SAMSN1: variants seen among roughly 807,000 people sequenced by gnomAD.
SAMSN1 encodes SAM domain, SH3 domain and nuclear localization signals 1.
A neutral mutation model predicts 42.0 loss-of-function variants in SAMSN1; 31 were observed. The observed-to-expected ratio is 0.74, with a 90% CI of 0.55 to 1.00. The LOEUF (loss-of-function observed/expected upper bound fraction) is 1.00, where lower values mean the gene tolerates loss of function less well. Among genes scored for constraint, SAMSN1 ranks in the 50% least tolerant of loss-of-function variants. The pLI, the probability that SAMSN1 is intolerant of heterozygous loss-of-function variation, is 0.00. For missense variants in SAMSN1, 464 were observed against 439.4 expected, an observed-to-expected ratio of 1.06 and a Z score of -0.50; for synonymous variants, 178 against 151.9, an observed-to-expected ratio of 1.17 and a Z score of -1.26.
intron 1 of SAMSN1, among the ~76,000 whole-genome samples, chr21:14,654,617 C>A (rs1716930937): frequency 6.6e-6 from 1 of 151,986 alleles, no homozygotes; most frequent in Non-Finnish European, 1.5e-5. Flanking sequence ...GCTGCTAGGG[C>A]TCTTGCTTAC....
chr21:14,581,485 A>C (rs1224144843), intron 2 of SAMSN1, among the ~76,000 whole-genome samples: 5 of 146,004 alleles, frequency 3.4e-5, no homozygotes, highest in African/African-American at 1.3e-4. Context: ...CAGCCTCCCG[A>C]GTAGCTGGAA....
At chr21:14,584,088 GA>G (rs1052897414), upstream of SAMSN1, among the ~76,000 whole-genome samples, 5 of 151,308 alleles carry the variant, frequency 3.3e-5, no homozygotes, top group African/African-American at 7.3e-5. Context: ...TGAAACAGCG[GA>G]AAAAAACAAG....
At chr21:14,503,216 C>G (rs1261754178) in intron 5 of SAMSN1, among the ~76,000 whole-genome samples, 1 of 151,952 alleles carries the variant, frequency 6.6e-6, no homozygotes, top group African/African-American at 2.4e-5. Context: ...ATGGGTCTGA[C>G]AAATCAGGTA....
exon 2 of SAMSN1, chr21:14,582,442 G>T (rs1394890864): frequency 3.3e-6 from 5 of 1,518,526 alleles, no homozygotes; most frequent in African/African-American, 2.8e-5. Context: ...TCTTTTCTCG[G>T]GACTTGGTTA....
At chr21:14,576,139 G>T (rs1568815433) in intron 2 of SAMSN1, among the ~76,000 whole-genome samples, 1 of 152,188 alleles carries the variant, frequency 6.6e-6, no homozygotes, top group Non-Finnish European at 1.5e-5. Flanking sequence ...AATGAGTTTA[G>T]ATTTGACCCT....
intron 2 of SAMSN1, among the ~76,000 whole-genome samples, chr21:14,554,670 T>C (rs1202160818): frequency 2.0e-5 from 3 of 151,260 alleles, no homozygotes; most frequent in Non-Finnish European, 4.4e-5. Context: ...GGTGATCAAC[T>C]AGCAGTTAAG....
At chr21:14,559,035 T>C (rs1309142148) in intron 2 of SAMSN1, among the ~76,000 whole-genome samples, 1 of 152,156 alleles carries the variant, frequency 6.6e-6, no homozygotes, top group African/African-American at 2.4e-5. Flanking sequence ...ATTATGTCGG[T>C]CCCATCTCCA....
At chr21:14,585,874 A>G (rs1449888022), upstream of SAMSN1, among the ~76,000 whole-genome samples, 3 of 152,178 alleles carry the variant, frequency 2.0e-5, no homozygotes, top group East Asian at 5.8e-4. Context: ...CCTCTTGTTA[A>G]TAGGTACTAT....
chr21:14,655,979 A>AG (rs1983908651), intron 1 of SAMSN1, among the ~76,000 whole-genome samples: 2 of 151,794 alleles, frequency 1.3e-5, no homozygotes, highest in Admixed American at 1.3e-4. Context: ...ATGGCATCCA[A>AG]AATTCTTGGA....
chr21:14,640,555 A>C (rs1235445468), intron 2 of SAMSN1, among the ~76,000 whole-genome samples: 1 of 152,088 alleles, frequency 6.6e-6, no homozygotes, highest in Non-Finnish European at 1.5e-5. Context: ...CAATACCAGG[A>C]GAAAAAGAAA....
At chr21:14,508,735 T>A (rs1435153238) in intron 5 of SAMSN1, among the ~76,000 whole-genome samples, 1 of 152,206 alleles carries the variant, frequency 6.6e-6, no homozygotes, top group Non-Finnish European at 1.5e-5. Flanking sequence ...GAAGTCATTA[T>A]ACAAAAAAGA....
At chr21:14,646,312 C>A (rs945472905) in intron 1 of SAMSN1, among the ~76,000 whole-genome samples, 1 of 152,042 alleles carries the variant, frequency 6.6e-6, no homozygotes, top group East Asian at 1.9e-4. Context: ...CCTATATGTC[C>A]GGCAACAGAC....
chr21:14,517,899 T>A (rs2822715), intron 2 of SAMSN1, among the ~76,000 whole-genome samples: 1 of 152,158 alleles, frequency 6.6e-6, no homozygotes, highest in East Asian at 1.9e-4. Context: ...ACTTCTCAAG[T>A]CTCCCTCGCT....
At chr21:14,602,071 G>C in exon 6 of SAMSN1, 1 of 691,784 alleles carries the variant, frequency 1.4e-6, no homozygotes, top group East Asian at 2.7e-5. Flanking sequence ...TATGTATGTT[G>C]TTACTTAGAA....
intron 7 of SAMSN1, among the ~76,000 whole-genome samples, chr21:14,591,011 C>T (rs770057958): frequency 2.0e-5 from 3 of 152,026 alleles, no homozygotes; most frequent in Non-Finnish European, 2.9e-5. Flanking sequence ...TATTTTATTG[C>T]TTTCTTGGAA....
At position 14,546,296 on chromosome 21, in the gene SAMSN1, C is replaced by T. The variant is rs185398591; in HGVS notation, c.-35G>A. 50 of 1,612,022 alleles carry T rather than the reference C, an allele frequency of 3.1e-5. No homozygotes were observed. In the African/African-American group the frequency reaches 5.2e-4, roughly 17 times the overall value. ...TGACTACTCCTAGTGAGTGCACTTT[C>T]TGCTGTTACAGAAACAACTGAAAAC... On this transcript the variant is annotated 5_prime_UTR_variant, in exon 1 of 8. Transcript: ENST00000400566.
chr21:14,511,191 G>A (rs1160583266), intron 4 of SAMSN1, among the ~76,000 whole-genome samples: 1 of 152,080 alleles, frequency 6.6e-6, no homozygotes, highest in Non-Finnish European at 1.5e-5. Flanking sequence ...ACCATGCATT[G>A]TGGAAATAAG....
intron 5 of SAMSN1, among the ~76,000 whole-genome samples, chr21:14,608,075 G>A (rs1178637403): frequency 2.0e-5 from 3 of 152,140 alleles, no homozygotes; most frequent in Non-Finnish European, 4.4e-5. Context: ...AGAACCCTCA[G>A]TAATCATCCC....
At chr21:14,496,559 T>C (rs1053261528) in intron 7 of SAMSN1, among the ~76,000 whole-genome samples, 2 of 152,182 alleles carry the variant, frequency 1.3e-5, no homozygotes, top group African/African-American at 4.8e-5. Context: ...CCAAACATTG[T>C]TTAGTGAGGA....
Sources: allele counts gnomAD v4.1 joint callset (sites outside exome capture counted in the v4.1 genomes callset), GRCh38; gene constraint gnomAD v4.1.1; transcripts MANE v1.5; gene names NCBI Gene and HGNC (gene_info 2026-07-23, HGNC 2026-07-21).